Variants in NOL8 observed in about 807,000 individuals in gnomAD.
NOL8 encodes the protein nucleolar protein 8.
NOL8 carries 93 observed loss-of-function variants against 116.1 expected under a neutral mutation model. That is an observed-to-expected ratio of 0.80 (90% confidence interval 0.68 to 0.95). The LOEUF (loss-of-function observed/expected upper bound fraction) is 0.95, where lower values mean the gene tolerates loss of function less well. NOL8 is among the 40% of genes least tolerant of loss of function. The pLI, the probability that NOL8 is intolerant of heterozygous loss-of-function variation, is 0.00. For missense variants in NOL8, 1,291 were observed against 1,382.8 expected (o/e 0.93, Z 1.05); for synonymous variants, 419 against 469.0 (o/e 0.89, Z 1.38).
At chr9:92,308,125 A>G (rs902725949) in intron 10 of NOL8, among the ~76,000 whole-genome samples, 7 of 152,190 alleles carry the variant, frequency 4.6e-5, no homozygotes, top group African/African-American at 1.7e-4. Context: ...CAGTGGTTCC[A>G]TGCCTATAAT....
intron 8 of NOL8, 52 bp from the exon 9 acceptor site, chr9:92,310,727 C>T: frequency 6.5e-7 from 1 of 1,543,170 alleles, no homozygotes; most frequent in Non-Finnish European, 8.7e-7. Context: ...AGCAGTATTT[C>T]CCTTCATAAC....
At chr9:92,299,016 T>TCTTCTTAAATATTGA in intron 14 of NOL8, 62 bp from the exon 15 acceptor site, 1 of 783,376 alleles carries the variant, frequency 1.3e-6, no homozygotes, top group African/African-American at 1.8e-5. Context: ...TTTCAATATT[T>TCTTCTTAAATATTGA]AAGAAGAAAT....
At chr9:92,319,479 A>G (rs1839736864) in intron 4 of NOL8, 123 bp from the exon 5 acceptor site, 1 of 970,158 alleles carries the variant, frequency 1.0e-6, no homozygotes, top group Non-Finnish European at 1.4e-6. Context: ...AAACCAAAAT[A>G]AAACAAAAAT....
chr9:92,307,215 C>G (rs766612734), intron 10 of NOL8, among the ~76,000 whole-genome samples, 191 bp from the exon 11 acceptor site: 3 of 152,098 alleles, frequency 2.0e-5, no homozygotes, highest in Non-Finnish European at 4.4e-5. Flanking sequence ...GTCTGCGTGA[C>G]CAGACAATGA....
At chr9:92,307,120 A>C (rs956215980) in intron 10 of NOL8, 96 bp from the exon 11 acceptor site, 1 of 1,263,132 alleles carries the variant, frequency 7.9e-7, no homozygotes, top group Non-Finnish European at 1.1e-6. Context: ...CATGTTCAAA[A>C]TCCATTAAGA....
At chr9:92,310,289 G>A (rs1340090288) in intron 9 of NOL8, 28 bp from the exon 10 acceptor site, 1 of 1,568,932 alleles carries the variant, frequency 6.4e-7, no homozygotes, top group South Asian at 1.2e-5. Context: ...ATACATAATT[G>A]ATAGCCACAT....
At chr9:92,316,390 T>C (rs1839415703) in intron 6 of NOL8, among the ~76,000 whole-genome samples, 1 of 152,180 alleles carries the variant, frequency 6.6e-6, no homozygotes, top group Admixed American at 6.5e-5. Flanking sequence ...TATGTGGATA[T>C]TATAGCAAAC....
chr9:92,314,259 A>G lies in NOL8; in HGVS notation c.2358+8T>C. 1.9e-6 allele frequency: 3 copies of G among 1,549,110 alleles called. No homozygotes were observed. Among genetic ancestry groups the G allele is most frequent in the Non-Finnish European group, 2.6e-6 (3 of 1,148,014 alleles). On this transcript the variant is annotated splice_region_variant and intron_variant, in intron 7 of 16. Coordinates refer to ENST00000442668, the MANE Select transcript of NOL8 (RefSeq NM_017948.6). ...CTTGTTAAATCCATACATTGAAAATATACTCACCAAATTTGCCAGAGCATT... is the reference window on the plus strand; with the variant it reads ...CTTGTTAAATCCATACATTGAAAATGTACTCACCAAATTTGCCAGAGCATT...
Position 92,315,061 on chromosome 9 carries a change from C to T in NOL8, c.1564G>A (p.Gly522Ser). ...ETTTQCKFDR[G>S]SKSPKTPTGL... ...GTGGGAGTCTTGGGGCTCTTGGAGC[C>T]TCTGTCAAACTTGCATTGGGTGGTG... is the stretch of plus-strand genomic sequence containing the variant. Residue 522 changes from glycine (G) to serine (S), a missense_variant, in exon 7 of 17, where the codon GGC becomes AGC. Gly to Ser is a moderately conservative substitution (Grantham distance 56, BLOSUM62 0). Coordinates refer to ENST00000442668, the MANE Select transcript of NOL8 (RefSeq NM_017948.6). 1 of 1,614,010 alleles carries T rather than the reference C, an allele frequency of 6.2e-7. No homozygotes were observed. The highest frequency in any genetic ancestry group is 8.5e-7 in the Non-Finnish European group (1 of 1,179,894).
chr9:92,324,174 T>C lies in NOL8; in HGVS notation c.-13A>G, dbSNP rs1019501567. On this transcript the variant is annotated 5_prime_UTR_variant, in exon 2 of 17. The change creates a new upstream start codon in the 5' untranslated region. Transcript: ENST00000442668. ...TGTTCACTTTCATGAAGGCTGGGCATATACTTGGGTGTGTTTCAGTGGGAA... is the reference window on the plus strand; with the variant it reads ...TGTTCACTTTCATGAAGGCTGGGCACATACTTGGGTGTGTTTCAGTGGGAA... 1 of 1,610,780 alleles carries C rather than the reference T, an allele frequency of 6.2e-7. No homozygotes were observed.
intron 16 of NOL8, 82 bp from the exon 17 acceptor site, chr9:92,297,968 T>C (rs1837382682): frequency 2.5e-6 from 3 of 1,201,742 alleles, no homozygotes; most frequent in African/African-American, 3.1e-5. Flanking sequence ...CAGGTTATTC[T>C]CACTGTCAGG....
At chr9:92,323,328 C>T in intron 3 of NOL8, 113 bp downstream of exon 3, 1 of 1,543,240 alleles carries the variant, frequency 6.5e-7, no homozygotes, top group Non-Finnish European at 8.7e-7. Flanking sequence ...TCACTGCTGT[C>T]CCTCTGGATA....
At chr9:92,309,809 A>G (rs1486833365) in intron 10 of NOL8, among the ~76,000 whole-genome samples, 2 of 152,206 alleles carry the variant, frequency 1.3e-5, no homozygotes, top group Non-Finnish European at 2.9e-5. Flanking sequence ...GACGATGAAC[A>G]CTGTTCCTTT....
chr9:92,323,886 C>T (rs1361887674), intron 2 of NOL8, 137 bp downstream of exon 2: 2 of 922,232 alleles, frequency 2.2e-6, no homozygotes, highest in Non-Finnish European at 1.6e-6. Flanking sequence ...AGTTCCACAT[C>T]ACACATTATA....
intron 5 of NOL8, 75 bp downstream of exon 5, chr9:92,319,146 A>C: frequency 7.0e-7 from 1 of 1,426,354 alleles, no homozygotes; most frequent in South Asian, 1.5e-5. Flanking sequence ...TTTAGACATG[A>C]CACCCACAAT....
chr9:92,306,580 T>C (rs1838280396), intron 11 of NOL8, among the ~76,000 whole-genome samples: 1 of 152,208 alleles, frequency 6.6e-6, no homozygotes, highest in Non-Finnish European at 1.5e-5. Context: ...ATTTCATGCC[T>C]GAAAATTTCC....
intron 11 of NOL8, 64 bp from the exon 12 acceptor site, chr9:92,305,894 T>C (rs1324249245): frequency 2.8e-5 from 30 of 1,076,712 alleles, no homozygotes; most frequent in Non-Finnish European, 3.7e-5. Flanking sequence ...AAAAAGTAAG[T>C]AGCAAATTAT....
In NOL8 at chr9:92,305,745, C is replaced by G. The variant is rs1194763183; in HGVS notation, c.2903+8G>C. On this transcript the variant is annotated splice_region_variant and intron_variant, in intron 12 of 16. Transcript: ENST00000442668. ...GATCCTATTGCTAAAAGAAGTAGCTCTACTTACCTTTCTTTTGGCTTATCA... is the reference window on the plus strand; with the variant it reads ...GATCCTATTGCTAAAAGAAGTAGCTGTACTTACCTTTCTTTTGGCTTATCA... 9.5e-6 allele frequency: 15 copies of G among 1,581,942 alleles called. No individual in the cohort carries two copies. Among genetic ancestry groups the G allele is most frequent in the Non-Finnish European group, 1.3e-5 (15 of 1,151,764 alleles).
Position 92,314,593 on chromosome 9 carries a change from C to T in NOL8, c.2032G>A (p.Gly678Ser). The change falls in exon 7 of 17, where the codon GGT (glycine) becomes AGT (serine). Residue 678 changes from glycine to serine, a missense_variant. Transcript: ENST00000442668. ...SKNPISRPLEGKKSLSLSAKT... is the reference protein window; with the variant it reads ...SKNPISRPLESKKSLSLSAKT... The stretch of plus-strand genomic sequence containing the variant: ...GCACTAAGACTTAAGGACTTCTTAC[C>T]TTCTAATGGCCTAGAAATAGGATTC... The T allele has an allele frequency of 6.2e-7, 1 of 1,612,794 alleles. No homozygotes were observed. The highest frequency in any genetic ancestry group is 2.2e-5 in the East Asian group (1 of 44,864).
Sources: allele counts gnomAD v4.1 joint callset (sites outside exome capture counted in the v4.1 genomes callset), GRCh38; gene constraint gnomAD v4.1.1; transcripts MANE v1.5; gene names NCBI Gene and HGNC (gene_info 2026-07-23, HGNC 2026-07-21).